The following MGMT variants were observed in gnomAD, a reference collection of about 807,000 sequenced individuals.
The protein encoded by MGMT is O-6-methylguanine-DNA methyltransferase.
In MGMT, 14 loss-of-function variants were observed where a neutral mutation model predicts 15.9. That is an observed-to-expected ratio of 0.88 (90% CI 0.58 to 1.37). The LOEUF is 1.37. MGMT is among the 40% of genes most tolerant of loss of function. The probability of loss-of-function intolerance (pLI) is 0.00; values close to 1 mark genes in which losing one functional copy is unlikely to be tolerated. For missense variants in MGMT, 282 were observed against 268.1 expected, an observed-to-expected ratio of 1.05 and a Z score of -0.36; for synonymous variants, 130 against 118.2, an observed-to-expected ratio of 1.10 and a Z score of -0.65.
chr10:129,705,622 T>A (rs1848151618), intron 2 of MGMT, among the ~76,000 whole-genome samples: 1 of 152,234 alleles, frequency 6.6e-6, no homozygotes, highest in Non-Finnish European at 1.5e-5. Flanking sequence ...CGAGAACTAA[T>A]CGCTCCAGAG....
intron 1 of MGMT, among the ~76,000 whole-genome samples, chr10:129,492,308 G>T (rs1310806760): frequency 6.6e-6 from 1 of 152,172 alleles, no homozygotes; most frequent in African/African-American, 2.4e-5. Context: ...AGAAGGTTTT[G>T]AGCTGAGCTC....
intron 2 of MGMT, among the ~76,000 whole-genome samples, chr10:129,622,375 T>C (rs1196442317): frequency 6.6e-6 from 1 of 152,260 alleles, no homozygotes; most frequent in African/African-American, 2.4e-5. Flanking sequence ...TCATCTCAAA[T>C]TTGAAATCTG....
intron 2 of MGMT, among the ~76,000 whole-genome samples, chr10:129,620,147 T>C (rs1369629168): frequency 1.3e-5 from 2 of 152,198 alleles, no homozygotes; most frequent in Non-Finnish European, 2.9e-5. Context: ...TTAAGTAATA[T>C]AAGTATTCAA....
intron 2 of MGMT, among the ~76,000 whole-genome samples, chr10:129,687,798 T>A (rs533181135): frequency 2.6e-5 from 4 of 152,016 alleles, no homozygotes; most frequent in African/African-American, 9.7e-5. Context: ...GCTGCACCCA[T>A]TAACTCATCA....
At chr10:129,591,303 G>A (rs1394616537) in intron 2 of MGMT, among the ~76,000 whole-genome samples, 1 of 152,236 alleles carries the variant, frequency 6.6e-6, no homozygotes, top group African/African-American at 2.4e-5. Flanking sequence ...TGAATAGCCT[G>A]ACAGCAGAGC....
chr10:129,553,504 G>A (rs1043772722), intron 2 of MGMT, among the ~76,000 whole-genome samples: 1 of 152,146 alleles, frequency 6.6e-6, no homozygotes, highest in Admixed American at 6.5e-5. Flanking sequence ...CGGGGGACAC[G>A]TGGTCCATTT....
At chr10:129,654,852 C>T (rs200624484) in intron 2 of MGMT, among the ~76,000 whole-genome samples, 1 of 152,118 alleles carries the variant, frequency 6.6e-6, no homozygotes, top group South Asian at 2.1e-4. Context: ...TGTGACGGCA[C>T]AAGCCACAGT....
intron 2 of MGMT, among the ~76,000 whole-genome samples, chr10:129,702,934 C>T (rs1467882513): frequency 2.0e-5 from 3 of 152,200 alleles, no homozygotes; most frequent in African/African-American, 7.2e-5. Flanking sequence ...GAGGCCATCA[C>T]CCCAGCTCTT....
At chr10:129,545,895 TATTA>T (rs1457187736) in intron 2 of MGMT, among the ~76,000 whole-genome samples, 1 of 152,228 alleles carries the variant, frequency 6.6e-6, no homozygotes, top group African/African-American at 2.4e-5. Context: ...AGCTCCTTGA[TATTA>T]ATGTACAGGG....
Position 129,767,239 on chromosome 10 carries a change from GAGTGTGGAAGGC to G in MGMT, c.*243_*254del. 1 of 395,692 alleles carries G rather than the reference GAGTGTGGAAGGC, an allele frequency of 2.5e-6. No individual in the cohort carries two copies. The highest frequency in any genetic ancestry group is 4.6e-6 in the Non-Finnish European group (1 of 219,018). The allele number at this position is 395,692 out of a possible 1,614,324, so 24.5% of individuals were successfully genotyped here. ...TCATGTCCATTAAAACAGGCCAAGT[GAGTGTGGAAGGC>G]CTGGCTCATGTTGGGCCACAGCCCA... On this transcript the variant is annotated 3_prime_UTR_variant, in exon 5 of 5. Transcript: ENST00000651593.
chr10:129,497,188 C>T (rs956695858), intron 1 of MGMT, among the ~76,000 whole-genome samples: 2 of 152,202 alleles, frequency 1.3e-5, no homozygotes, highest in African/African-American at 2.4e-5. Flanking sequence ...CTAGCCACAG[C>T]TCGTACCACT....
At chr10:129,750,982 CCT>C (rs1216544490) in intron 3 of MGMT, among the ~76,000 whole-genome samples, 7 of 151,544 alleles carry the variant, frequency 4.6e-5, no homozygotes, top group Admixed American at 2.6e-4. Context: ...GGATTTTTAC[CCT>C]GTGTTCATAA....
intron 2 of MGMT, among the ~76,000 whole-genome samples, chr10:129,569,908 A>G (rs1846397876): frequency 6.6e-6 from 1 of 152,186 alleles, no homozygotes; most frequent in Non-Finnish European, 1.5e-5. Flanking sequence ...TCACACAAAC[A>G]TTTGTTTTCC....
At chr10:129,712,607 G>A (rs898905503) in intron 3 of MGMT, among the ~76,000 whole-genome samples, 6 of 152,128 alleles carry the variant, frequency 3.9e-5, no homozygotes, top group Admixed American at 6.5e-5. Context: ...GGGTGAATTC[G>A]TTAAGGTTCC....
At chr10:129,765,152 G>A (rs760903935) in intron 4 of MGMT, among the ~76,000 whole-genome samples, 10 of 152,180 alleles carry the variant, frequency 6.6e-5, no homozygotes, top group Non-Finnish European at 1.3e-4. Context: ...CACGTCCCCC[G>A]AGATGTCCTG....
chr10:129,556,346 G>A lies in MGMT; in HGVS notation c.125+19969G>A. ...TCATTAGAGGAGCCCCTCACCCAGTGTGACCGGTGTCCCCATGAGATGGAG... is the reference window on the plus strand; with the variant it reads ...TCATTAGAGGAGCCCCTCACCCAGTATGACCGGTGTCCCCATGAGATGGAG... On this transcript the variant is annotated intron_variant, in intron 2 of 4. Transcript: ENST00000651593. The surrounding 1 kb of genome is among the most constrained non-coding windows in gnomAD (Gnocchi z 4.3). Among the ~76,000 whole-genome samples the A allele has an allele frequency of 6.6e-6, 1 of 152,312 alleles. No individual in the cohort carries two copies. Among genetic ancestry groups the A allele is most frequent in the South Asian group, 2.1e-4 (1 of 4,828 alleles).
intron 3 of MGMT, among the ~76,000 whole-genome samples, chr10:129,723,753 C>T (rs1172828395): frequency 1.3e-5 from 2 of 152,142 alleles, no homozygotes; most frequent in Non-Finnish European, 2.9e-5. Flanking sequence ...ACACATAATA[C>T]ACAGATTGGC....
chr10:129,673,453 T>C (rs1847749001), intron 2 of MGMT, among the ~76,000 whole-genome samples: 1 of 152,202 alleles, frequency 6.6e-6, no homozygotes, highest in African/African-American at 2.4e-5. Context: ...TTTATTTTAG[T>C]CTCTGTGTCT....
At chr10:129,638,547 A>T (rs1290468749) in intron 2 of MGMT, among the ~76,000 whole-genome samples, 5 of 152,088 alleles carry the variant, frequency 3.3e-5, no homozygotes, top group African/African-American at 9.7e-5. Flanking sequence ...AACAACACAT[A>T]TAAAGAACCA....
Sources: gnomAD v4.1 joint callset for allele counts (sites outside exome capture counted in the v4.1 genomes callset) on GRCh38, gnomAD v4.1.1 for gene constraint, Gnocchi (gnomAD v3.1) non-coding constraint, MANE v1.5 for transcripts, NCBI Gene and HGNC (gene_info 2026-07-23, HGNC 2026-07-21) for gene names.